DPH6: variants seen among roughly 807,000 people sequenced by gnomAD.
The protein encoded by DPH6 is diphthamine biosynthesis 6.
In DPH6, 33 loss-of-function variants were observed where a neutral mutation model predicts 38.2. The observed-to-expected ratio is 0.86, with a 90% CI of 0.65 to 1.15. The LOEUF (loss-of-function observed/expected upper bound fraction) is 1.15, where lower values mean the gene tolerates loss of function less well. Ranked by LOEUF, DPH6 falls within the 50% of genes most tolerant of loss-of-function variation. The probability of loss-of-function intolerance (pLI) is 0.00; values close to 1 mark genes in which losing one functional copy is unlikely to be tolerated. For synonymous variants in DPH6, 108 were observed against 103.0 expected (o/e 1.05, Z -0.30); for missense variants, 325 against 320.0 (o/e 1.02, Z -0.12).
At chr15:35,532,014 T>C (rs2055095254) in intron 3 of DPH6, among the ~76,000 whole-genome samples, 1 of 151,916 alleles carries the variant, frequency 6.6e-6, no homozygotes, top group African/African-American at 2.4e-5. Context: ...GGAAGGTAAA[T>C]TAGGGCAGGT....
intron 3 of DPH6, among the ~76,000 whole-genome samples, chr15:35,277,229 C>T (rs182314372): frequency 3.7e-4 from 56 of 152,030 alleles, no homozygotes; most frequent in Non-Finnish European, 6.0e-4. Flanking sequence ...CAGCTTGGTT[C>T]CTGTTGGTGT....
the DPH6 span, among the ~76,000 whole-genome samples, chr15:35,169,856 T>C: frequency 1.3e-5 from 2 of 152,324 alleles, no homozygotes; most frequent in East Asian, 3.9e-4. Context: ...TATTAAAATC[T>C]GTATTTAAAC....
chr15:35,473,945 TGTGTGTGTGTGTGC>T (rs60414883), intron 3 of DPH6, among the ~76,000 whole-genome samples: 45,269 of 103,218 alleles, frequency 0.44, 7,576 homozygotes, highest in Middle Eastern at 0.59. Context: ...TGTGTGTGTG[TGTGTGTGTGTGTGC>T]GCGCGCGCGC....
At chr15:35,245,232 C>CTTTTTTTTTT (rs71123123) in intron 3 of DPH6, among the ~76,000 whole-genome samples, 4 of 81,388 alleles carry the variant, frequency 4.9e-5, no homozygotes, top group African/African-American at 9.0e-5. Context: ...ATTGTTCTTG[C>CTTTTTTTTTT]TTTTTTTTTT....
At chr15:35,206,378 C>A in the DPH6 span, among the ~76,000 whole-genome samples, 1 of 152,098 alleles carries the variant, frequency 6.6e-6, no homozygotes, top group Non-Finnish European at 1.5e-5. Context: ...TATATTAGAA[C>A]ATAATTTTAG....
At chr15:35,436,470 AAAAC>A (rs1166393929) in intron 5 of DPH6, among the ~76,000 whole-genome samples, 1 of 115,234 alleles carries the variant, frequency 8.7e-6, no homozygotes, top group African/African-American at 4.7e-5. Context: ...CGTCTCAAAC[AAAAC>A]AAACAAAAAC....
intron 6 of DPH6, among the ~76,000 whole-genome samples, chr15:35,398,805 C>T (rs565166254): frequency 6.6e-6 from 1 of 152,234 alleles, no homozygotes; most frequent in East Asian, 1.9e-4. Context: ...TCTTGTAGCA[C>T]TGAACCTTTA....
intron 3 of DPH6, among the ~76,000 whole-genome samples, chr15:35,358,806 C>A (rs901476772): frequency 1.3e-5 from 2 of 152,114 alleles, no homozygotes. Context: ...GCAATAGACA[C>A]CATGAGGATT....
Position 35,259,339 on chromosome 15 carries a change from G to C in DPH6, n.201-38757C>G, listed in dbSNP as rs556579847. ...ATGGCTTAATTATGAATTATTCAAA[G>C]TGGAGATTTTGCTACAAGTATGACT... On this transcript the variant is annotated intron_variant and non_coding_transcript_variant, in intron 3 of 3. Coordinates refer to the DPH6 transcript ENST00000560386. Among the ~76,000 whole-genome samples the C allele has an allele frequency of 3.0e-4, 45 of 152,272 alleles. No individual in the cohort carries two copies. In the South Asian group the frequency reaches 8.9e-3, roughly 30 times the overall value.
At chr15:35,447,081 C>T (rs1315460904) in intron 5 of DPH6, among the ~76,000 whole-genome samples, 1 of 151,904 alleles carries the variant, frequency 6.6e-6, no homozygotes, top group East Asian at 1.9e-4. Context: ...GTGTTAGACA[C>T]AATGGTCTCG....
chr15:35,367,187 T>C (rs1435220053), downstream of DPH6, among the ~76,000 whole-genome samples: 1 of 151,782 alleles, frequency 6.6e-6, no homozygotes, highest in Non-Finnish European at 1.5e-5. Flanking sequence ...GTGCTGATTA[T>C]AGGATACATT....
At chr15:35,388,306 T>G (rs1309302665) in intron 6 of DPH6, among the ~76,000 whole-genome samples, 6 of 152,198 alleles carry the variant, frequency 3.9e-5, no homozygotes, top group Admixed American at 1.3e-4. Flanking sequence ...AAATTCTCTT[T>G]TTTTGTGGTG....
intron 3 of DPH6, among the ~76,000 whole-genome samples, chr15:35,537,589 C>G (rs566088180): frequency 1.3e-5 from 2 of 152,034 alleles, no homozygotes; most frequent in Non-Finnish European, 2.9e-5. Flanking sequence ...AGAAATTAAT[C>G]AGTGCAAAAT....
In DPH6 at chr15:35,219,564, GA is replaced by G. The variant is rs1324633773; in HGVS notation, n.1218del. The G allele has an allele frequency of 1.6e-4, 25 of 152,128 alleles. 1 individual carries two copies. The highest frequency in any genetic ancestry group is 3.7e-4 in the Non-Finnish European group (25 of 68,014). 9.4% of individuals were successfully genotyped at this position (152,128 alleles called of 1,614,324 possible). A position where few individuals can be genotyped will look rare whatever the true frequency, so the allele number is the denominator to read the frequency against. On this transcript the variant is annotated non_coding_transcript_exon_variant, in exon 4 of 4. Transcript: ENST00000560386. ...ATACACCATTTTCACGCAGCCTAGTGACTGAAAACAGAGCAAACGTTCTGTG... is the reference window on the plus strand; with the variant it reads ...ATACACCATTTTCACGCAGCCTAGTGCTGAAAACAGAGCAAACGTTCTGTG...
At chr15:35,174,678 GT>G in the DPH6 span, among the ~76,000 whole-genome samples, 2 of 152,126 alleles carry the variant, frequency 1.3e-5, no homozygotes, top group Non-Finnish European at 2.9e-5. Context: ...CACGGAAAGG[GT>G]TTTTAATATT....
intron 3 of DPH6, among the ~76,000 whole-genome samples, chr15:35,289,685 C>G (rs1412283935): frequency 6.6e-6 from 1 of 152,144 alleles, no homozygotes; most frequent in Non-Finnish European, 1.5e-5. Context: ...GTTTTAGATT[C>G]TAAACTATTT....
At chr15:35,170,792 C>G in the DPH6 span, among the ~76,000 whole-genome samples, 7 of 152,264 alleles carry the variant, frequency 4.6e-5, no homozygotes, top group African/African-American at 1.7e-4. Context: ...TCCTATGTCT[C>G]ATCCTACACT....
At chr15:35,392,485 C>G (rs1374290257) in intron 6 of DPH6, among the ~76,000 whole-genome samples, 2 of 151,394 alleles carry the variant, frequency 1.3e-5, no homozygotes, top group African/African-American at 4.9e-5. Context: ...TTACAAAAAT[C>G]GCAATTTCAT....
intron 3 of DPH6, chr15:35,520,623 T>A (rs1194300528): frequency 1.0e-6 from 1 of 984,606 alleles, no homozygotes; most frequent in Non-Finnish European, 1.2e-6. Flanking sequence ...CTAAAAATAA[T>A]GCAAAAGTAA....
Sources: gnomAD v4.1 joint callset for allele counts (sites outside exome capture counted in the v4.1 genomes callset) on GRCh38, gnomAD v4.1.1 for gene constraint, MANE v1.5 for transcripts, NCBI Gene and HGNC (gene_info 2026-07-23, HGNC 2026-07-21) for gene names.